The following LRP6 variants were observed in gnomAD, a reference collection of about 807,000 sequenced individuals.
The protein encoded by LRP6 is low-density lipoprotein receptor-related protein 6.
In LRP6, 43 loss-of-function variants were observed where a neutral mutation model predicts 184.1. The ratio of observed to expected loss-of-function variants is 0.23; its 90% CI spans 0.18 to 0.30. The LOEUF is 0.30. Ranked by LOEUF, LRP6 falls within the 10% of genes least tolerant of loss-of-function variation. The pLI is 1.00. For missense variants in LRP6, 1,571 were observed against 2,005.3 expected (o/e 0.78, Z 4.14); for synonymous variants, 719 against 684.9 (o/e 1.05, Z -0.78).
intron 12 of LRP6, among the ~76,000 whole-genome samples, chr12:12,157,665 A>G (rs373438418): frequency 2.6e-5 from 4 of 152,320 alleles, no homozygotes; most frequent in East Asian, 3.9e-4. Context: ...GAATTCTGAC[A>G]CATTCTCTCA....
chr12:12,198,761 T>C (rs921118065), intron 3 of LRP6, among the ~76,000 whole-genome samples: 3 of 152,138 alleles, frequency 2.0e-5, no homozygotes, highest in African/African-American at 7.2e-5. Context: ...CTCGAACTCC[T>C]GACCTCAGGT....
chr12:12,150,967 G>A lies in LRP6; in HGVS notation c.2863C>T (p.Pro955Ser). 6.2e-7 allele frequency: 1 copy of A among 1,614,138 alleles called. No individual in the cohort carries two copies. Among genetic ancestry groups the A allele is most frequent in the Middle Eastern group, 1.6e-4 (1 of 6,062 alleles). The change falls in exon 13 of 23, where the codon CCC becomes TCC. Residue 955 changes from proline (P) to serine (S), a missense_variant. By Grantham distance (74) the Pro-to-Ser change is moderately conservative. This residue lies in a region of LRP6 where 763 missense variants were observed against 859.5 expected (regional missense o/e 0.89). Transcript: ENST00000261349. ...CTGTGGATGGGAAGGATGATGTCGG[G>A]GCTCTGTTGTTCATCAATCACCATG... ...NRMVIDEQQSPDIILPIHSLR... is the reference protein window; with the variant it reads ...NRMVIDEQQSSDIILPIHSLR...
At chr12:12,155,403 G>A (rs896136077) in intron 12 of LRP6, 9 of 832,822 alleles carry the variant, frequency 1.1e-5, no homozygotes, top group Non-Finnish European at 1.5e-5. Flanking sequence ...AATGGGTACT[G>A]TTCAAAAGGA....
chr12:12,266,621 T>C (rs868774758), intron 1 of LRP6, 60 bp downstream of exon 1: 38 of 743,442 alleles, frequency 5.1e-5, no homozygotes, highest in Middle Eastern at 5.2e-4. Context: ...CCTAGACACA[T>C]ACAACAAGGC....
intron 3 of LRP6, chr12:12,187,328 A>T (rs928617297): frequency 3.5e-6 from 2 of 571,410 alleles, no homozygotes; most frequent in African/African-American, 3.8e-5. Flanking sequence ...CCAAACAAGC[A>T]TTTGGGAATA....
chr12:12,159,882 G>A lies in LRP6; in HGVS notation c.2362C>T (p.Pro788Ser), dbSNP rs1862698148. The A allele has an allele frequency of 1.9e-6, 3 of 1,614,024 alleles. No homozygotes were observed. Among genetic ancestry groups the A allele is most frequent in the Non-Finnish European group, 2.5e-6 (3 of 1,179,996 alleles). The change falls in exon 11 of 23, where the codon CCA becomes TCA. Residue 788 changes from proline to serine, a missense_variant. This residue lies in a region of LRP6 where 158 missense variants were observed against 258.4 expected (regional missense o/e 0.61). Coordinates refer to ENST00000261349, the MANE Select transcript of LRP6 (RefSeq NM_002336.3). ...MDGSERTTLV[P>S]NVGRANGLTI... Reference sequence around the variant, plus strand: ...AGGCCGTTTGCCCGCCCCACATTTGGAACTAAGGTAGTACGTTCACTTCCA... The same window carrying A: ...AGGCCGTTTGCCCGCCCCACATTTGAAACTAAGGTAGTACGTTCACTTCCA...
intron 7 of LRP6, among the ~76,000 whole-genome samples, chr12:12,167,242 A>C (rs1233520425): frequency 5.3e-5 from 8 of 152,212 alleles, no homozygotes; most frequent in Non-Finnish European, 7.3e-5. Flanking sequence ...TCTGTTCTCT[A>C]AAAAATTTCT....
chr12:12,237,496 C>T (rs1204080376), intron 2 of LRP6, among the ~76,000 whole-genome samples: 1 of 151,996 alleles, frequency 6.6e-6, no homozygotes, highest in Non-Finnish European at 1.5e-5. Context: ...AATTGCACAG[C>T]CTCAAATATA....
chr12:12,200,413 G>C (rs1863884604), intron 3 of LRP6, among the ~76,000 whole-genome samples: 2 of 152,140 alleles, frequency 1.3e-5, no homozygotes, highest in South Asian at 4.1e-4. Flanking sequence ...TCATTTTCAA[G>C]AGTAGGATCT....
At chr12:12,131,169 G>A (rs1475483296) in intron 18 of LRP6, among the ~76,000 whole-genome samples, 7 of 142,522 alleles carry the variant, frequency 4.9e-5, no homozygotes, top group East Asian at 4.5e-4. Context: ...GTGCAGTGGC[G>A]CGATATTGGC....
At position 12,199,889 on chromosome 12, in the gene LRP6, G is replaced by A. The variant is rs1334617106; in HGVS notation, c.647+3314C>T. Among the ~76,000 whole-genome samples, 11 of 133,914 alleles carry A rather than the reference G, an allele frequency of 8.2e-5. No homozygotes were observed. In the East Asian group the frequency reaches 1.0e-3, roughly 12 times the overall value. The allele number at this position is 133,914 out of a possible 152,430, so 87.9% of individuals were successfully genotyped here. A position where few individuals can be genotyped will look rare whatever the true frequency, so the allele number is the denominator to read the frequency against. ...TGAGTCAGGAGAATCGCTTGAACCCGGGAGGCAGAGGTTGCAGTGAGCTTG... is the reference window on the plus strand; with the variant it reads ...TGAGTCAGGAGAATCGCTTGAACCCAGGAGGCAGAGGTTGCAGTGAGCTTG... On this transcript the variant is annotated intron_variant, in intron 3 of 22. Coordinates refer to ENST00000261349, the MANE Select transcript of LRP6 (RefSeq NM_002336.3).
chr12:12,233,298 T>C (rs1261427599), intron 2 of LRP6, among the ~76,000 whole-genome samples: 1 of 151,986 alleles, frequency 6.6e-6, no homozygotes, highest in Non-Finnish European at 1.5e-5. Context: ...AAACCCCGCC[T>C]CTACTAAAAA....
rs1949583337 is a variant in LRP6 at position 12,120,038 on chromosome 12, TATA to T, written c.*1085_*1087del. The T allele has an allele frequency of 8.7e-6, 1 of 114,782 alleles. No individual in the cohort carries two copies. Among genetic ancestry groups the T allele is most frequent in the Non-Finnish European group, 1.8e-5 (1 of 55,242 alleles). The allele number at this position is 114,782 out of a possible 1,614,324, so 7.1% of individuals were successfully genotyped here. ...ATATATATATATATATATATATATATATATAAATGATTTCGTACTGTGATATAT... is the reference window on the plus strand; with the variant it reads ...ATATATATATATATATATATATATATTAAATGATTTCGTACTGTGATATAT... On this transcript the variant is annotated 3_prime_UTR_variant, in exon 23 of 23. Coordinates refer to ENST00000261349, the MANE Select transcript of LRP6 (RefSeq NM_002336.3).
At chr12:12,207,639 C>A (rs541756366) in intron 2 of LRP6, among the ~76,000 whole-genome samples, 3 of 152,220 alleles carry the variant, frequency 2.0e-5, no homozygotes, top group African/African-American at 7.2e-5. Flanking sequence ...AGAAATCTAA[C>A]AGGAAGATCC....
chr12:12,190,015 T>C (rs1162469123), intron 3 of LRP6, among the ~76,000 whole-genome samples: 1 of 152,164 alleles, frequency 6.6e-6, no homozygotes, highest in Non-Finnish European at 1.5e-5. Context: ...TGGTAAGGTG[T>C]ACAAATTAGG....
Position 12,257,054 on chromosome 12 carries a change from T to G in LRP6, c.55+9627A>C, listed in dbSNP as rs1865481816. Among the ~76,000 whole-genome samples, 4 of 151,932 alleles carry G rather than the reference T, an allele frequency of 2.6e-5. No individual in the cohort carries two copies. The South Asian group carries it at 8.3e-4, about 31-fold the overall frequency. The stretch of plus-strand genomic sequence containing the variant: ...TTCCATTTATATGAAATATTCAGAG[T>G]AAGCAAATCCATAGAGACAGAAAGT... On this transcript the variant is annotated intron_variant, in intron 1 of 22. Coordinates refer to ENST00000261349, the MANE Select transcript of LRP6 (RefSeq NM_002336.3).
chr12:12,145,919 A>G (rs1184689155), intron 15 of LRP6, among the ~76,000 whole-genome samples: 1 of 152,022 alleles, frequency 6.6e-6, no homozygotes, highest in East Asian at 1.9e-4. Context: ...AGCATGAGCC[A>G]CCACACCTGG....
At chr12:12,126,600 A>G in intron 20 of LRP6, 91 bp downstream of exon 20, 1 of 1,009,946 alleles carries the variant, frequency 9.9e-7, no homozygotes, top group Non-Finnish European at 1.6e-6. Context: ...ATGGTTTCAG[A>G]CAGACTCTAG....
intron 1 of LRP6, among the ~76,000 whole-genome samples, chr12:12,262,046 C>G (rs1050625303): frequency 6.6e-6 from 1 of 152,114 alleles, no homozygotes; most frequent in African/African-American, 2.4e-5. Context: ...AGTTCGAGAC[C>G]AGCCTGACCA....
Sources: gnomAD v4.1 joint callset for allele counts (sites outside exome capture counted in the v4.1 genomes callset) on GRCh38, gnomAD v4.1.1 for gene constraint, gnomAD v4.1.1 regional missense constraint, MANE v1.5 for transcripts, NCBI Gene and HGNC (gene_info 2026-07-23, HGNC 2026-07-21) for gene names.